The following AP1M1 variants were observed in gnomAD, a reference collection of about 807,000 sequenced individuals.
AP1M1 encodes the protein adaptor related protein complex 1 subunit mu 1, also known as AP-1 complex subunit mu-1.
AP1M1 carries 18 observed loss-of-function variants against 57.1 expected under a neutral mutation model. That is an observed-to-expected ratio of 0.32 (90% confidence interval 0.22 to 0.47). AP1M1 has a LOEUF of 0.47. Among genes scored for constraint, AP1M1 ranks in the 20% least tolerant of loss-of-function variants. The pLI is 1.00. For synonymous variants in AP1M1, 241 were observed against 237.9 expected, an observed-to-expected ratio of 1.01 and a Z score of -0.12; for missense variants, 362 against 593.5, an observed-to-expected ratio of 0.61 and a Z score of 4.05.
intron 10 of AP1M1, 100 bp from the exon 11 acceptor site, chr19:16,234,099 C>A: frequency 8.3e-7 from 1 of 1,201,806 alleles, no homozygotes; most frequent in East Asian, 2.5e-5. Context: ...GTCGTCATGG[C>A]CTCCCCTGCC....
In AP1M1 at chr19:16,206,428, G is replaced by A. The variant is rs2091469851; in HGVS notation, c.267+20G>A. 1.9e-6 allele frequency: 3 copies of A among 1,613,520 alleles called. No individual in the cohort carries two copies. Among genetic ancestry groups the A allele is most frequent in the Admixed American group, 3.3e-5 (2 of 59,988 alleles). The stretch of plus-strand genomic sequence containing the variant: ...GTGCAGGTGAGTCTCGCTCGGAGGG[G>A]CCGTGGGCTTGGGTGGAGGTTGTCT... On this transcript the variant is annotated intron_variant, in intron 3 of 11. Coordinates refer to ENST00000291439, the MANE Select transcript of AP1M1 (RefSeq NM_032493.4). This position sits in a 1 kb window ranked among gnomAD's most constrained non-coding sequence, Gnocchi z 4.3.
At chr19:16,232,519 C>A (rs190103587) in intron 9 of AP1M1, among the ~76,000 whole-genome samples, 1 of 152,228 alleles carries the variant, frequency 6.6e-6, no homozygotes, top group Non-Finnish European at 1.5e-5. Context: ...TTTGTTCCCT[C>A]GCTGCCTGCT....
intron 1 of AP1M1, among the ~76,000 whole-genome samples, chr19:16,202,084 T>A (rs930046821): frequency 2.0e-5 from 3 of 152,090 alleles, no homozygotes; most frequent in African/African-American, 7.2e-5. Context: ...CCTCAACACG[T>A]CATCACCTGC....
chr19:16,209,631 A>G (rs978903754), intron 5 of AP1M1, among the ~76,000 whole-genome samples: 5 of 149,124 alleles, frequency 3.4e-5, no homozygotes, highest in Non-Finnish European at 3.0e-5. Flanking sequence ...AAAAAAAAAA[A>G]GAAACTAAAG....
chr19:16,230,767 G>A (rs1237329476), intron 9 of AP1M1, among the ~76,000 whole-genome samples: 1 of 152,130 alleles, frequency 6.6e-6, no homozygotes, highest in Non-Finnish European at 1.5e-5. Flanking sequence ...TGTGCTATGT[G>A]CTTTATGGCA....
Position 16,243,682 on chromosome 19 carries a change from C to T in AP1M1, c.*9247C>T, listed in dbSNP as rs917016357. ...AATGGCCAGGTGCAGTGGCTCATGTCTATAATCCCAGCACTTTAGGAGGCT... is the reference window on the plus strand; with the variant it reads ...AATGGCCAGGTGCAGTGGCTCATGTTTATAATCCCAGCACTTTAGGAGGCT... On this transcript the variant is annotated 3_prime_UTR_variant, in exon 12 of 12. Coordinates refer to ENST00000291439, the MANE Select transcript of AP1M1 (RefSeq NM_032493.4). 2.6e-5 allele frequency: 4 copies of T among 152,078 alleles called. No homozygotes were observed. Among genetic ancestry groups the T allele is most frequent in the African/African-American group, 7.3e-5 (3 of 41,376 alleles). 9.4% of individuals were successfully genotyped at this position (152,078 alleles called of 1,614,324 possible).
At chr19:16,232,767 G>C (rs1393777022) in intron 9 of AP1M1, among the ~76,000 whole-genome samples, 1 of 152,226 alleles carries the variant, frequency 6.6e-6, no homozygotes, top group African/African-American at 2.4e-5. Context: ...AGCAGAGACT[G>C]TGGGGTCCCA....
At chr19:16,209,291 A>G in intron 5 of AP1M1, 114 bp downstream of exon 5, 3 of 1,206,522 alleles carry the variant, frequency 2.5e-6, no homozygotes, top group Non-Finnish European at 3.5e-6. Flanking sequence ...GGTAACAGAT[A>G]GCAGGATTCA....
chr19:16,204,721 C>G (rs1225562330), intron 2 of AP1M1, among the ~76,000 whole-genome samples: 1 of 152,128 alleles, frequency 6.6e-6, no homozygotes, highest in Admixed American at 6.5e-5. Flanking sequence ...GGCCGGTGTG[C>G]ACATTCCCAT....
chr19:16,226,082 A>G (rs1383749467), intron 5 of AP1M1, among the ~76,000 whole-genome samples: 1 of 151,826 alleles, frequency 6.6e-6, no homozygotes, highest in African/African-American at 2.4e-5. Flanking sequence ...CTGATAGAGA[A>G]CCCTCAGAGG....
Position 16,234,569 on chromosome 19 carries a change from T to TGCATTCCCCA in AP1M1, c.*136_*137insATTCCCCAGC. ...CTCCCAGCCTCTGCCCAGGGACCCC[T>TGCATTCCCCA]GCCTTCCCCAGGCCATCTGCTCTGC... On this transcript the variant is annotated 3_prime_UTR_variant, in exon 12 of 12. Coordinates refer to ENST00000291439, the MANE Select transcript of AP1M1 (RefSeq NM_032493.4). 1 of 1,157,926 alleles carries TGCATTCCCCA rather than the reference T, an allele frequency of 8.6e-7. No homozygotes were observed. Among genetic ancestry groups the TGCATTCCCCA allele is most frequent in the Non-Finnish European group, 1.2e-6 (1 of 803,388 alleles). The allele number at this position is 1,157,926 out of a possible 1,614,324, so 71.7% of individuals were successfully genotyped here. A position where few individuals can be genotyped will look rare whatever the true frequency, so the allele number is the denominator to read the frequency against.
intron 4 of AP1M1, chr19:16,208,700 A>G (rs1306356580): frequency 1.2e-5 from 3 of 244,348 alleles, no homozygotes; most frequent in Admixed American, 4.9e-5. Context: ...CGTCAGTTCC[A>G]TCCACGTGCT....
rs2091617200 is a variant in AP1M1, at chr19:16,234,711, G to C, written c.*276G>C. On this transcript the variant is annotated 3_prime_UTR_variant, in exon 12 of 12. Transcript: ENST00000291439. ...GGATGTGAAATTTTTCCGTGTAGAG[G>C]TTACAGCCTTTTATGCTGTTGAGCT... 1 of 566,318 alleles carries C rather than the reference G, an allele frequency of 1.8e-6. No individual in the cohort carries two copies. Among genetic ancestry groups the C allele is most frequent in the East Asian group, 2.9e-5 (1 of 34,696 alleles). 35.1% of individuals were successfully genotyped at this position (566,318 alleles called of 1,614,324 possible).
chr19:16,243,430 A>G lies in AP1M1; in HGVS notation c.*8995A>G, dbSNP rs1326053357. 5 of 81,570 alleles carry G rather than the reference A, an allele frequency of 6.1e-5. No individual in the cohort carries two copies. Among genetic ancestry groups the G allele is most frequent in the Admixed American group, 3.1e-4 (2 of 6,444 alleles). The allele number at this position is 81,570 out of a possible 1,614,324, so 5.1% of individuals were successfully genotyped here. A position where few individuals can be genotyped will look rare whatever the true frequency, so the allele number is the denominator to read the frequency against. Reference sequence around the variant, plus strand: ...ATTACAGGTGAGCACCACCAAGCTCAGCTATTTTTTTTTTTTTTTTGTATT... The same window carrying G: ...ATTACAGGTGAGCACCACCAAGCTCGGCTATTTTTTTTTTTTTTTTGTATT... On this transcript the variant is annotated 3_prime_UTR_variant, in exon 12 of 12. Transcript: ENST00000291439.
chr19:16,217,796 C>T (rs762375347), intron 5 of AP1M1, among the ~76,000 whole-genome samples: 23 of 152,182 alleles, frequency 1.5e-4, no homozygotes, highest in Non-Finnish European at 3.1e-4. Flanking sequence ...TGCTCCACCA[C>T]ATATGCTTCT....
rs1389987998 is a variant in AP1M1 at position 16,207,460 on chromosome 19, T to C, written c.268-559T>C. On this transcript the variant is annotated intron_variant, in intron 3 of 11. Transcript: ENST00000291439. This position sits in a 1 kb window ranked among gnomAD's most constrained non-coding sequence, Gnocchi z 4.2. ...GCGCAGGGGTCAGCAGATCAGAGAA[T>C]GGGGGATGCGGGAAGGGGAAGGTCC... is the stretch of plus-strand genomic sequence containing the variant. Among the ~76,000 whole-genome samples, 3 of 151,816 alleles carry C rather than the reference T, an allele frequency of 2.0e-5. No individual in the cohort carries two copies. Among genetic ancestry groups the C allele is most frequent in the African/African-American group, 4.8e-5 (2 of 41,298 alleles).
At chr19:16,231,180 C>G (rs1050652020) in intron 9 of AP1M1, among the ~76,000 whole-genome samples, 1 of 148,366 alleles carries the variant, frequency 6.7e-6, no homozygotes. Context: ...CCCAGCTACT[C>G]GGGAGGCTGA....
chr19:16,229,023 GA>G, intron 9 of AP1M1, 95 bp downstream of exon 9: 1 of 1,413,476 alleles, frequency 7.1e-7, no homozygotes, highest in Non-Finnish European at 9.7e-7. Context: ...AAGATGGGGT[GA>G]CAGTGGCCAC....
rs889442833 is a variant in AP1M1, at chr19:16,236,706, G to A, written c.*2271G>A. ...AAGTCACCACTCATTTAGACCCCAC[G>A]CTTGTAATATCAATCTGGTTTGCAG... On this transcript the variant is annotated 3_prime_UTR_variant, in exon 12 of 12. Coordinates refer to ENST00000291439, the MANE Select transcript of AP1M1 (RefSeq NM_032493.4). 1 of 152,190 alleles carries A rather than the reference G, an allele frequency of 6.6e-6. No individual in the cohort carries two copies. Among genetic ancestry groups the A allele is most frequent in the Non-Finnish European group, 1.5e-5 (1 of 68,052 alleles). 9.4% of individuals were successfully genotyped at this position (152,190 alleles called of 1,614,324 possible). A position where few individuals can be genotyped will look rare whatever the true frequency, so the allele number is the denominator to read the frequency against.
Sources: allele counts gnomAD v4.1 joint callset (sites outside exome capture counted in the v4.1 genomes callset), GRCh38; gene constraint gnomAD v4.1.1; non-coding constraint Gnocchi (gnomAD v3.1); transcripts MANE v1.5; gene names NCBI Gene and HGNC (gene_info 2026-07-23, HGNC 2026-07-21).